The following LMTK2 variants were observed in gnomAD, a reference collection of about 807,000 sequenced individuals.
LMTK2 encodes serine/threonine-protein kinase LMTK2.
A neutral mutation model predicts 127.5 loss-of-function variants in LMTK2; 37 were observed. The ratio of observed to expected loss-of-function variants is 0.29; its 90% CI spans 0.22 to 0.38. The LOEUF (loss-of-function observed/expected upper bound fraction) is 0.38. Among genes scored for constraint, LMTK2 ranks in the 10% least tolerant of loss-of-function variants. LMTK2 has a pLI of 1.00. For synonymous variants in LMTK2, 819 were observed against 810.1 expected, an observed-to-expected ratio of 1.01 and a Z score of -0.19; for missense variants, 1,694 against 1,920.3, an observed-to-expected ratio of 0.88 and a Z score of 2.20.
intron 7 of LMTK2, among the ~76,000 whole-genome samples, chr7:98,181,374 C>T (rs746719065): frequency 6.6e-6 from 1 of 152,208 alleles, no homozygotes; most frequent in Non-Finnish European, 1.5e-5. Context: ...CTCAAGGACT[C>T]AAGGGATCCT....
rs143580968 is a variant in LMTK2 at position 98,186,089 on chromosome 7, G to A, written c.877-788G>A. On this transcript the variant is annotated intron_variant, in intron 8 of 13. Coordinates refer to ENST00000297293, the MANE Select transcript of LMTK2 (RefSeq NM_014916.4). ...TTTTTTTTTTTTCTTTTTTTGAGAT[G>A]GGGTCTCGCTGTCACCCTGGCTGGA... is the stretch of plus-strand genomic sequence containing the variant. Among the ~76,000 whole-genome samples, 304 of 147,222 alleles carry A rather than the reference G, an allele frequency of 2.1e-3. 4 individuals carry two copies. Among genetic ancestry groups the A allele is most frequent in the African/African-American group, 7.3e-3 (292 of 39,780 alleles).
At position 98,194,671 on chromosome 7, in the gene LMTK2, G is replaced by A. The variant is rs1797599646; in HGVS notation, c.4107+99G>A. ...TGGTCTGTTTTCTAGTTGCCATTTT[G>A]AGGCAGCAGATTGTGATTACTCACA... On this transcript the variant is annotated intron_variant, in intron 11 of 13. Coordinates refer to ENST00000297293, the MANE Select transcript of LMTK2 (RefSeq NM_014916.4). This position sits in a 1 kb window ranked among gnomAD's most constrained non-coding sequence, Gnocchi z 5.4. 2 of 1,115,998 alleles carry A rather than the reference G, an allele frequency of 1.8e-6. No homozygotes were observed. 69.1% of individuals were successfully genotyped at this position (1,115,998 alleles called of 1,614,324 possible).
chr7:98,137,222 C>A (rs561157482), intron 1 of LMTK2, 93 bp from the exon 2 acceptor site: 8 of 1,187,410 alleles, frequency 6.7e-6, no homozygotes, highest in Middle Eastern at 2.7e-4. Flanking sequence ...AACCCTTACA[C>A]CCATTTGTAT....
Position 98,107,260 on chromosome 7 carries a change from C to T in LMTK2, c.83C>T (p.Pro28Leu), listed in dbSNP as rs777285468. ...ATCGCCGGCAGTGCTGGGGCCGCGC[C>T]ACTTCCGCAAACAGGTGCAGGTGAG... Reference protein sequence around the residue: ...LLIAGSAGAAPLPQTGAGEAP... With the variant: ...LLIAGSAGAALLPQTGAGEAP... Residue 28 changes from proline (P) to leucine (L), a missense_variant, in exon 1 of 14, where the codon CCA (proline) becomes CTA (leucine). By Grantham distance (98) the Pro-to-Leu change is moderately conservative (BLOSUM62 -3). Transcript: ENST00000297293. The T allele has an allele frequency of 7.0e-7, 1 of 1,431,150 alleles. No homozygotes were observed. Among genetic ancestry groups the T allele is most frequent in the Non-Finnish European group, 9.1e-7 (1 of 1,097,582 alleles). 88.7% of individuals were successfully genotyped at this position (1,431,150 alleles called of 1,614,324 possible).
At chr7:98,179,645 CTCTCCCTT>C (rs893543861) in intron 7 of LMTK2, among the ~76,000 whole-genome samples, 5 of 133,922 alleles carry the variant, frequency 3.7e-5, no homozygotes, top group African/African-American at 1.4e-4. Context: ...CTCCCTCCCT[CTCTCCCTT>C]GCTTAATTCC....
chr7:98,194,876 C>G lies in LMTK2; in HGVS notation c.4107+304C>G, dbSNP rs1797603185. 6.6e-6 allele frequency among the ~76,000 whole-genome samples: 1 copy of G among 152,118 alleles called. No individual in the cohort carries two copies. The highest frequency in any genetic ancestry group is 2.1e-4 in the South Asian group (1 of 4,804). On this transcript the variant is annotated intron_variant, in intron 11 of 13. Transcript: ENST00000297293. The surrounding 1 kb of genome is among the most constrained non-coding windows in gnomAD (Gnocchi z 5.4). ...TTTACTGTTTTACTTTTTTATTTTT[C>G]TTTTGAGACAGCCTTGCTCTGTGGC...
intron 5 of LMTK2, among the ~76,000 whole-genome samples, chr7:98,155,901 T>C (rs952342485): frequency 6.6e-6 from 1 of 152,072 alleles, no homozygotes; most frequent in African/African-American, 2.4e-5. Context: ...ACATTTGCGT[T>C]GTGATAGACC....
chr7:98,183,489 A>G (rs943883746), intron 7 of LMTK2, among the ~76,000 whole-genome samples: 4 of 152,100 alleles, frequency 2.6e-5, no homozygotes, highest in Admixed American at 6.6e-5. Context: ...TGGGGGTCAC[A>G]TGATTCTCGT....
rs143285587 is a variant in LMTK2 at position 98,193,493 on chromosome 7, C to T, written c.3028C>T (p.Leu1010=). 6 of 1,614,044 alleles carry T rather than the reference C, an allele frequency of 3.7e-6. No individual in the cohort carries two copies. The highest frequency in any genetic ancestry group is 5.1e-6 in the Non-Finnish European group (6 of 1,180,042). The change falls in exon 11 of 14, where the codon CTG becomes TTG. Residue 1010 remains leucine (L), a synonymous_variant. Transcript: ENST00000297293. This position sits in a 1 kb window ranked among gnomAD's most constrained non-coding sequence, Gnocchi z 4.1. ...GTCAGTGGATGTCCACGAAGCGCTA[C>T]TGGACTCTTTAGGATCTCACACTCC... ...LESVDVHEAL[L]DSLGSHTPQK...
Position 98,170,811 on chromosome 7 carries a change from G to A in LMTK2, c.658-730G>A, listed in dbSNP as rs556078983. ...ATGAAAATCATGAAATAAAGACAGCGTAACACAGGGAAGTCTTGGAGGAGG... is the reference window on the plus strand; with the variant it reads ...ATGAAAATCATGAAATAAAGACAGCATAACACAGGGAAGTCTTGGAGGAGG... On this transcript the variant is annotated intron_variant, in intron 6 of 13. Coordinates refer to ENST00000297293, the MANE Select transcript of LMTK2 (RefSeq NM_014916.4). 3.3e-5 allele frequency among the ~76,000 whole-genome samples: 5 copies of A among 152,210 alleles called. No homozygotes were observed. The East Asian group carries it at 5.8e-4, about 18-fold the overall frequency.
intron 7 of LMTK2, among the ~76,000 whole-genome samples, chr7:98,172,238 C>CA (rs1436927803): frequency 6.6e-6 from 1 of 151,968 alleles, no homozygotes; most frequent in Non-Finnish European, 1.5e-5. Context: ...TTGTGAGCAG[C>CA]ACAGCGATCT....
At chr7:98,138,596 C>T (rs532334221) in intron 2 of LMTK2, among the ~76,000 whole-genome samples, 4 of 152,262 alleles carry the variant, frequency 2.6e-5, no homozygotes, top group Admixed American at 1.3e-4. Flanking sequence ...TGCTATGGCG[C>T]CTGCTGACGG....
chr7:98,196,431 T>G lies in LMTK2; in HGVS notation c.4107+1859T>G, dbSNP rs1268093610. ...GTGTTTTGTTTTCAATGCATCCACA[T>G]AGCCCTTTCTCCACCGTCTCTGTGA... On this transcript the variant is annotated intron_variant, in intron 11 of 13. Transcript: ENST00000297293. Among the ~76,000 whole-genome samples the G allele has an allele frequency of 3.9e-5, 6 of 152,214 alleles. No homozygotes were observed. In the South Asian group the frequency reaches 1.2e-3, roughly 31 times the overall value.
intron 11 of LMTK2, among the ~76,000 whole-genome samples, chr7:98,201,413 G>A (rs191532483): frequency 6.6e-6 from 1 of 152,278 alleles, no homozygotes; most frequent in Non-Finnish European, 1.5e-5. Flanking sequence ...GTGCTCCAGT[G>A]AACACTTTGG....
At chr7:98,122,245 A>G (rs1019507983) in intron 1 of LMTK2, among the ~76,000 whole-genome samples, 6 of 151,368 alleles carry the variant, frequency 4.0e-5, no homozygotes, top group African/African-American at 1.5e-4. Flanking sequence ...CGGGGGGTGC[A>G]TGTGCAGGTT....
chr7:98,197,019 T>G (rs79055671), intron 11 of LMTK2, among the ~76,000 whole-genome samples: 20,825 of 152,296 alleles, frequency 0.14, 1,593 homozygotes, highest in East Asian at 0.21. Flanking sequence ...GAGCTGGTTT[T>G]GAAGTTGTGT....
At chr7:98,203,917 G>T (rs1459608262) in intron 12 of LMTK2, 27 bp from the exon 13 acceptor site, 6 of 1,611,320 alleles carry the variant, frequency 3.7e-6, no homozygotes, top group Non-Finnish European at 5.1e-6. Flanking sequence ...GTGATAAAAA[G>T]GGTGGGGTTT....
chr7:98,178,493 G>A (rs1362626147), intron 7 of LMTK2, among the ~76,000 whole-genome samples: 2 of 152,168 alleles, frequency 1.3e-5, no homozygotes, highest in African/African-American at 2.4e-5. Flanking sequence ...AGCAAGTGCT[G>A]CCAAGCTCAG....
chr7:98,148,922 A>G (rs1484089787), intron 3 of LMTK2, among the ~76,000 whole-genome samples: 10 of 152,174 alleles, frequency 6.6e-5, no homozygotes, highest in Non-Finnish European at 1.5e-4. Context: ...CTAGGTTCCC[A>G]TCTACATGGG....
Sources: gnomAD v4.1 joint callset for allele counts (sites outside exome capture counted in the v4.1 genomes callset) on GRCh38, gnomAD v4.1.1 for gene constraint, Gnocchi (gnomAD v3.1) non-coding constraint, MANE v1.5 for transcripts, NCBI Gene and HGNC (gene_info 2026-07-23, HGNC 2026-07-21) for gene names.